Variants in TSPAN17 observed in about 807,000 individuals in gnomAD.
TSPAN17 encodes the protein tetraspanin-17.
A neutral mutation model predicts 40.5 loss-of-function variants in TSPAN17; 33 were observed. That is an observed-to-expected ratio of 0.81 (90% CI 0.62 to 1.09). The LOEUF is 1.09. Ranked by LOEUF, TSPAN17 falls within the 50% of genes least tolerant of loss-of-function variation. TSPAN17 has a pLI of 0.00. For missense variants in TSPAN17, 365 were observed against 416.8 expected, an observed-to-expected ratio of 0.88 and a Z score of 1.08; for synonymous variants, 166 against 169.4, an observed-to-expected ratio of 0.98 and a Z score of 0.15.
At chr5:176,653,959 A>G (rs1432509322) in intron 4 of TSPAN17, 1 of 152,328 alleles carries the variant, frequency 6.6e-6, no homozygotes, top group African/African-American at 2.4e-5. Flanking sequence ...GTGCATGTAC[A>G]TACGTGTGTA....
chr5:176,647,523 C>T lies in TSPAN17; in HGVS notation c.-93C>T. 1 of 991,606 alleles carries T rather than the reference C, an allele frequency of 1.0e-6. No individual in the cohort carries two copies. Among genetic ancestry groups the T allele is most frequent in the Non-Finnish European group, 1.4e-6 (1 of 740,518 alleles). 61.4% of individuals were successfully genotyped at this position (991,606 alleles called of 1,614,324 possible). On this transcript the variant is annotated 5_prime_UTR_variant, in exon 1 of 9. Coordinates refer to ENST00000508164, the MANE Select transcript of TSPAN17 (RefSeq NM_130465.5). ...AGGCCATGAAGCCGCAGCCGCCCGG[C>T]TAGGCCCCGGGCGGCTCTAGCCCAG...
At chr5:176,657,441 C>A (rs1400436157) in intron 8 of TSPAN17, 77 bp from the exon 9 acceptor site, 1 of 1,543,264 alleles carries the variant, frequency 6.5e-7, no homozygotes, top group Non-Finnish European at 8.7e-7. Flanking sequence ...TTGAGCCTGC[C>A]AGGAACCCAC....
At position 176,654,923 on chromosome 5, in the gene TSPAN17, A is replaced by C. The variant is rs115220475; in HGVS notation, c.485A>C (p.Asn162Thr). Reference protein sequence around the residue: ...YWSCCGARGPNDWNLNIYFNC... With the variant: ...YWSCCGARGPTDWNLNIYFNC... Reference sequence around the variant, plus strand: ...TCTTGCTGCGGAGCCCGAGGCCCCAATGACTGGAACCTCAATATCTACTTC... The same window carrying C: ...TCTTGCTGCGGAGCCCGAGGCCCCACTGACTGGAACCTCAATATCTACTTC... The change falls in exon 5 of 9, where the codon AAT (asparagine) becomes ACT (threonine). Residue 162 changes from asparagine to threonine, a missense_variant. Transcript: ENST00000508164. This position sits in a 1 kb window ranked among gnomAD's most constrained non-coding sequence, Gnocchi z 4.3. 1.2e-6 allele frequency: 2 copies of C among 1,613,794 alleles called. No individual in the cohort carries two copies. The highest frequency in any genetic ancestry group is 2.2e-5 in the South Asian group (2 of 91,026).
At position 176,657,572 on chromosome 5, in the gene TSPAN17, G is replaced by C. The variant is rs1761206645; in HGVS notation, c.864G>C (p.Glu288Asp). 1 of 1,613,224 alleles carries C rather than the reference G, an allele frequency of 6.2e-7. No homozygotes were observed. The highest frequency in any genetic ancestry group is 1.7e-5 in the Admixed American group (1 of 59,940). ...ACTGGCTTACGCCCACCATTTCCGA[G>C]GTCCTGTCCACGGCGGGGCCTCAGC... ...ENHWLTPTIS[E>D]VLSTAGPQQN... Residue 288 changes from glutamate to aspartate, a missense_variant, in exon 9 of 9, where the codon GAG (glutamate) becomes GAC (aspartate). By Grantham distance (45) the Glu-to-Asp change is conservative (BLOSUM62 2). Transcript: ENST00000508164.
At chr5:176,648,369 G>A (rs528010830) in intron 1 of TSPAN17, among the ~76,000 whole-genome samples, 1 of 152,292 alleles carries the variant, frequency 6.6e-6, no homozygotes, top group Admixed American at 6.5e-5. Flanking sequence ...ACAAGCTGAG[G>A]CTCCTGGGCG....
rs552809870 is a variant in TSPAN17, at chr5:176,657,937, G to A, written c.*239G>A. On this transcript the variant is annotated 3_prime_UTR_variant, in exon 9 of 9. Coordinates refer to ENST00000508164, the MANE Select transcript of TSPAN17 (RefSeq NM_130465.5). ...TGCGGGCCAATCTGGAGTGAAACAC[G>A]GGGACCTGAAGGATGGAGAGGCTGG... 9.3e-5 allele frequency: 57 copies of A among 611,524 alleles called. No homozygotes were observed. Among genetic ancestry groups the A allele is most frequent in the Middle Eastern group, 9.7e-4 (2 of 2,072 alleles). 37.9% of individuals were successfully genotyped at this position (611,524 alleles called of 1,614,324 possible). A position where few individuals can be genotyped will look rare whatever the true frequency, so the allele number is the denominator to read the frequency against.
Position 176,647,548 on chromosome 5 carries a change from G to A in TSPAN17, c.-68G>A. The stretch of plus-strand genomic sequence containing the variant: ...CTAGGCCCCGGGCGGCTCTAGCCCA[G>A]GGCGGCCCGCGGGGCGCTGGGCCTG... On this transcript the variant is annotated 5_prime_UTR_variant, in exon 1 of 9. Transcript: ENST00000508164. 1 of 1,435,360 alleles carries A rather than the reference G, an allele frequency of 7.0e-7. No individual in the cohort carries two copies. The highest frequency in any genetic ancestry group is 9.3e-7 in the Non-Finnish European group (1 of 1,073,632). The allele number at this position is 1,435,360 out of a possible 1,614,324, so 88.9% of individuals were successfully genotyped here.
chr5:176,651,106 A>G lies in TSPAN17; in HGVS notation c.88-510A>G, dbSNP rs1760948239. On this transcript the variant is annotated intron_variant, in intron 1 of 8. Coordinates refer to ENST00000508164, the MANE Select transcript of TSPAN17 (RefSeq NM_130465.5). The surrounding 1 kb of genome is among the most constrained non-coding windows in gnomAD (Gnocchi z 4.5). ...GTCTGGTCGTGAGCCGTGGAAGCTG[A>G]CTCTGGCAGGCGGAGGTTAAAGGGG... Among the ~76,000 whole-genome samples the G allele has an allele frequency of 6.6e-6, 1 of 151,298 alleles. No homozygotes were observed. The highest frequency in any genetic ancestry group is 2.4e-5 in the African/African-American group (1 of 41,106).
In TSPAN17 at chr5:176,650,020, A is replaced by C. The variant is rs374293900; in HGVS notation, c.88-1596A>C. On this transcript the variant is annotated intron_variant, in intron 1 of 8. Coordinates refer to ENST00000508164, the MANE Select transcript of TSPAN17 (RefSeq NM_130465.5). The surrounding 1 kb of genome is among the most constrained non-coding windows in gnomAD (Gnocchi z 4.0). The stretch of plus-strand genomic sequence containing the variant: ...GATATTTGTTAAGGGGTCTGTTTGC[A>C]TCTGAGGTTTCCTTGTCTGCTCACT... Among the ~76,000 whole-genome samples the C allele has an allele frequency of 6.6e-6, 1 of 152,074 alleles. No individual in the cohort carries two copies. The highest frequency in any genetic ancestry group is 2.4e-5 in the African/African-American group (1 of 41,402).
chr5:176,647,781 A>C, intron 1 of TSPAN17, 79 bp downstream of exon 1: 1 of 1,340,722 alleles, frequency 7.5e-7, no homozygotes, highest in Non-Finnish European at 1.0e-6. Flanking sequence ...GGGGGAGACC[A>C]CTCCCTGCCC....
Position 176,647,567 on chromosome 5 carries a change from G to C in TSPAN17, c.-49G>C. ...AGCCCAGGGCGGCCCGCGGGGCGCT[G>C]GGCCTGGCTCCCGGCTCCGGTTTCC... On this transcript the variant is annotated 5_prime_UTR_variant, in exon 1 of 9. Coordinates refer to ENST00000508164, the MANE Select transcript of TSPAN17 (RefSeq NM_130465.5). 1.3e-6 allele frequency: 2 copies of C among 1,519,472 alleles called. No individual in the cohort carries two copies. The highest frequency in any genetic ancestry group is 1.8e-6 in the Non-Finnish European group (2 of 1,132,150). 94.1% of individuals were successfully genotyped at this position (1,519,472 alleles called of 1,614,324 possible).
intron 1 of TSPAN17, among the ~76,000 whole-genome samples, chr5:176,649,048 G>A (rs990745132): frequency 1.3e-4 from 20 of 152,112 alleles, no homozygotes; most frequent in African/African-American, 4.3e-4. Flanking sequence ...GGGGCGGAGC[G>A]TGGGGTGTTA....
chr5:176,657,939 G>A lies in TSPAN17; in HGVS notation c.*241G>A. 1 of 586,482 alleles carries A rather than the reference G, an allele frequency of 1.7e-6. No individual in the cohort carries two copies. Among genetic ancestry groups the A allele is most frequent in the Non-Finnish European group, 2.6e-6 (1 of 381,446 alleles). 36.3% of individuals were successfully genotyped at this position (586,482 alleles called of 1,614,324 possible). A position where few individuals can be genotyped will look rare whatever the true frequency, so the allele number is the denominator to read the frequency against. On this transcript the variant is annotated 3_prime_UTR_variant, in exon 9 of 9. Transcript: ENST00000508164. Reference sequence around the variant, plus strand: ...CGGGCCAATCTGGAGTGAAACACGGGGACCTGAAGGATGGAGAGGCTGGAC... The same window carrying A: ...CGGGCCAATCTGGAGTGAAACACGGAGACCTGAAGGATGGAGAGGCTGGAC...
At chr5:176,652,053 G>A (rs116101535) in intron 3 of TSPAN17, among the ~76,000 whole-genome samples, 153 bp downstream of exon 3, 30 of 152,296 alleles carry the variant, frequency 2.0e-4, no homozygotes, top group African/African-American at 6.7e-4. Flanking sequence ...GATCCTTTCC[G>A]TGGTATGGTA....
Position 176,651,294 on chromosome 5 carries a change from C to T in TSPAN17, c.88-322C>T, listed in dbSNP as rs975731354. Among the ~76,000 whole-genome samples the T allele has an allele frequency of 1.3e-5, 2 of 152,120 alleles. No individual in the cohort carries two copies. The highest frequency in any genetic ancestry group is 4.8e-5 in the African/African-American group (2 of 41,404). On this transcript the variant is annotated intron_variant, in intron 1 of 8. Coordinates refer to ENST00000508164, the MANE Select transcript of TSPAN17 (RefSeq NM_130465.5). This position sits in a 1 kb window ranked among gnomAD's most constrained non-coding sequence, Gnocchi z 4.5. ...GTGTAGAGGCTCAGTATACTGGCGC[C>T]GTCGCTACCCCCGCTGACACAGCTG...
Position 176,652,790 on chromosome 5 carries a change from G to T in TSPAN17, c.333G>T (p.Gly111=). The T allele has an allele frequency of 6.2e-7, 1 of 1,614,130 alleles. No individual in the cohort carries two copies. The highest frequency in any genetic ancestry group is 8.5e-7 in the Non-Finnish European group (1 of 1,180,014). Reference sequence around the variant, plus strand: ...TCTTCTTCCTGGAGCTGGCAACAGGGATCCTGGCCTTTGTCTTCAAGGACT... The same window carrying T: ...TCTTCTTCCTGGAGCTGGCAACAGGTATCCTGGCCTTTGTCTTCAAGGACT... The part of the protein sequence containing the change: ...GLIFFLELAT[G]ILAFVFKDWI... The change falls in exon 4 of 9, where the codon GGG becomes GGT. Residue 111 remains glycine, a synonymous_variant. Coordinates refer to ENST00000508164, the MANE Select transcript of TSPAN17 (RefSeq NM_130465.5).
chr5:176,655,083 C>T, intron 5 of TSPAN17, 63 bp downstream of exon 5: 1 of 1,530,844 alleles, frequency 6.5e-7, no homozygotes, highest in Non-Finnish European at 8.8e-7. Context: ...GGAGAAACCT[C>T]CCACAGGGCC....
intron 1 of TSPAN17, 34 bp downstream of exon 1, chr5:176,647,736 G>T (rs1304751605): frequency 1.3e-6 from 2 of 1,542,894 alleles, no homozygotes; most frequent in Non-Finnish European, 1.8e-6. Flanking sequence ...CCCTGTGCTG[G>T]GGGGTGGTGG....
At chr5:176,655,711 G>A (rs909726179) in intron 5 of TSPAN17, among the ~76,000 whole-genome samples, 4 of 148,786 alleles carry the variant, frequency 2.7e-5, no homozygotes, top group African/African-American at 5.0e-5. Flanking sequence ...CAGCTGGGGC[G>A]GCACAGTGAG....
Sources: gnomAD v4.1 joint callset for allele counts (sites outside exome capture counted in the v4.1 genomes callset) on GRCh38, gnomAD v4.1.1 for gene constraint, Gnocchi (gnomAD v3.1) non-coding constraint, MANE v1.5 for transcripts, NCBI Gene and HGNC (gene_info 2026-07-23, HGNC 2026-07-21) for gene names.